Variants in APBB1IP observed in about 807,000 individuals in gnomAD.
The protein encoded by APBB1IP is amyloid beta A4 precursor protein-binding family B member 1-interacting protein.
In APBB1IP, 27 loss-of-function variants were observed where a neutral mutation model predicts 64.9. That is an observed-to-expected ratio of 0.42 (90% CI 0.31 to 0.57). The LOEUF is 0.57. Among genes scored for constraint, APBB1IP ranks in the 20% least tolerant of loss-of-function variants. The pLI, the probability that APBB1IP is intolerant of heterozygous loss-of-function variation, is 0.20. For synonymous variants in APBB1IP, 392 were observed against 331.0 expected, an observed-to-expected ratio of 1.18 and a Z score of -2.00; for missense variants, 812 against 845.5, an observed-to-expected ratio of 0.96 and a Z score of 0.49.
chr10:26,438,953 G>C (rs775582130), intron 2 of APBB1IP, 100 bp downstream of exon 2: 1 of 152,222 alleles, frequency 6.6e-6, no homozygotes, highest in Non-Finnish European at 1.5e-5. Flanking sequence ...TCCGACGCCG[G>C]GGGCAGCTCC....
intron 8 of APBB1IP, among the ~76,000 whole-genome samples, chr10:26,522,002 C>T (rs1417328330): frequency 6.6e-6 from 1 of 152,108 alleles, no homozygotes; most frequent in Admixed American, 6.6e-5. Context: ...CTGCCCACCT[C>T]GGCCTCCCAA....
chr10:26,493,607 G>T lies in APBB1IP; in HGVS notation c.72+1209G>T, dbSNP rs149000950. On this transcript the variant is annotated intron_variant, in intron 3 of 14. Transcript: ENST00000376236. Reference sequence around the variant, plus strand: ...AAGATTGGCAACATTATATAGTTCTGATATAATTGTGACAATGATGGGTTA... The same window carrying T: ...AAGATTGGCAACATTATATAGTTCTTATATAATTGTGACAATGATGGGTTA... Among the ~76,000 whole-genome samples, 766 of 152,260 alleles carry T rather than the reference G, an allele frequency of 5.0e-3. 7 individuals are homozygous for T. Among genetic ancestry groups the T allele is most frequent in the African/African-American group, 0.018 (731 of 41,540 alleles).
intron 6 of APBB1IP, among the ~76,000 whole-genome samples, chr10:26,505,468 G>A (rs1836163243): frequency 6.6e-6 from 1 of 151,752 alleles, no homozygotes; most frequent in Non-Finnish European, 1.5e-5. Context: ...CTCAGTCCTG[G>A]GTGCCCAGTG....
chr10:26,566,986 A>G lies in APBB1IP; in HGVS notation c.1499A>G (p.His500Arg). ...SKDKKPALGNHHDPAVPRAPH... is the reference protein window; with the variant it reads ...SKDKKPALGNRHDPAVPRAPH... ...GATAAGAAGCCAGCCCTCGGGAACC[A>G]CCACGACCCGGCAGTGCCCCGGGCC... is the stretch of plus-strand genomic sequence containing the variant. Residue 500 changes from histidine (H) to arginine (R), a missense_variant, in exon 15 of 15, where the codon CAC (histidine) becomes CGC (arginine). By Grantham distance (29) the His-to-Arg change is conservative. Around this residue, in one of 3 missense-constraint regions of APBB1IP, gnomAD observed 381 missense variants for 352.1 expected, o/e 1.08. Coordinates refer to ENST00000376236, the MANE Select transcript of APBB1IP (RefSeq NM_019043.4). 6.3e-7 allele frequency: 1 copy of G among 1,580,642 alleles called. No homozygotes were observed. The highest frequency in any genetic ancestry group is 8.5e-7 in the Non-Finnish European group (1 of 1,172,448).
intron 8 of APBB1IP, among the ~76,000 whole-genome samples, chr10:26,527,762 G>A (rs1986105): frequency 0.16 from 23,276 of 145,770 alleles, 1,885 homozygotes; most frequent in Middle Eastern, 0.19. Flanking sequence ...GCACGATCTC[G>A]GCTCACTGCA....
intron 8 of APBB1IP, among the ~76,000 whole-genome samples, chr10:26,523,307 A>C (rs1463647344): frequency 6.6e-6 from 1 of 152,206 alleles, no homozygotes; most frequent in East Asian, 1.9e-4. Context: ...GGTTCTTTTC[A>C]TCCATTAGCT....
chr10:26,552,955 C>T (rs893891555), intron 11 of APBB1IP, among the ~76,000 whole-genome samples: 2 of 152,146 alleles, frequency 1.3e-5, no homozygotes, highest in African/African-American at 4.8e-5. Flanking sequence ...CAAGCAGCAC[C>T]TTTGACCTCT....
At chr10:26,560,376 G>A (rs1368190493) in intron 12 of APBB1IP, among the ~76,000 whole-genome samples, 173 bp downstream of exon 12, 2 of 152,134 alleles carry the variant, frequency 1.3e-5, no homozygotes, top group Non-Finnish European at 2.9e-5. Context: ...ATAGAAACAC[G>A]AACCTCTCCA....
chr10:26,448,441 G>C (rs1484326446), intron 2 of APBB1IP, among the ~76,000 whole-genome samples: 1 of 152,198 alleles, frequency 6.6e-6, no homozygotes, highest in Non-Finnish European at 1.5e-5. Context: ...ACTAGCCACA[G>C]TTAAAGTGCT....
rs147894388 is a variant in APBB1IP at position 26,489,790 on chromosome 10, C to A, written c.1-2537C>A. Among the ~76,000 whole-genome samples the A allele has an allele frequency of 4.7e-3, 711 of 152,236 alleles. 20 individuals are homozygous for A. Among genetic ancestry groups the A allele is most frequent in the Admixed American group, 0.038 (584 of 15,286 alleles). ...CTGTAATCCCAACACTTTGGGAGGC[C>A]CAGGTGGGTGGATCACTTGAGGTCA... On this transcript the variant is annotated intron_variant, in intron 2 of 14. Transcript: ENST00000376236.
chr10:26,477,442 C>T (rs1469687693), intron 2 of APBB1IP, among the ~76,000 whole-genome samples: 1 of 152,146 alleles, frequency 6.6e-6, no homozygotes, highest in Non-Finnish European at 1.5e-5. Context: ...TTTGACTTTG[C>T]AGAGTGGAAT....
intron 2 of APBB1IP, among the ~76,000 whole-genome samples, chr10:26,441,350 G>A (rs922453166): frequency 6.6e-6 from 1 of 152,178 alleles, no homozygotes; most frequent in Non-Finnish European, 1.5e-5. Context: ...ATCTGGAACA[G>A]TAATCATTAG....
intron 8 of APBB1IP, among the ~76,000 whole-genome samples, chr10:26,530,897 C>A (rs1223581430): frequency 6.6e-6 from 1 of 152,012 alleles, no homozygotes; most frequent in African/African-American, 2.4e-5. Context: ...TATGGCTAGT[C>A]GTGGTCTTCA....
At chr10:26,443,899 T>C (rs1013780491) in intron 2 of APBB1IP, among the ~76,000 whole-genome samples, 3 of 152,192 alleles carry the variant, frequency 2.0e-5, no homozygotes, top group Non-Finnish European at 4.4e-5. Flanking sequence ...AGCACTATTA[T>C]AGACGCAAGG....
intron 2 of APBB1IP, among the ~76,000 whole-genome samples, chr10:26,462,012 C>A (rs1366861444): frequency 1.3e-5 from 2 of 152,136 alleles, no homozygotes; most frequent in African/African-American, 4.8e-5. Context: ...ATTTTGCTAA[C>A]TTTGTCTTTT....
At position 26,513,671 on chromosome 10, in the gene APBB1IP, C is replaced by A. The variant is rs201066636; in HGVS notation, c.813+11C>A. 2.0e-4 allele frequency: 326 copies of A among 1,603,002 alleles called. 1 individual carries two copies. Among genetic ancestry groups the A allele is most frequent in the Non-Finnish European group, 2.6e-4 (308 of 1,177,396 alleles). ...TTTAAAAACCCCCAGGTAAGATGAT[C>A]TGCATATTGTTAAACCCTATAAAGT... On this transcript the variant is annotated intron_variant, in intron 8 of 14. Transcript: ENST00000376236.
chr10:26,446,058 C>T (rs7098710), intron 2 of APBB1IP, among the ~76,000 whole-genome samples: 47,172 of 150,734 alleles, frequency 0.31, 8,027 homozygotes, highest in Non-Finnish European at 0.39. Context: ...AGGATTTCAC[C>T]TCAGAAAGAA....
Position 26,567,307 on chromosome 10 carries a change from C to A in APBB1IP, c.1820C>A (p.Ala607Glu), listed in dbSNP as rs1340175855. 2 of 1,116,070 alleles carry A rather than the reference C, an allele frequency of 1.8e-6. No homozygotes were observed. Among genetic ancestry groups the A allele is most frequent in the Non-Finnish European group, 1.1e-6 (1 of 904,032 alleles). The allele number at this position is 1,116,070 out of a possible 1,614,324, so 69.1% of individuals were successfully genotyped here. The stretch of plus-strand genomic sequence containing the variant: ...CCCCCGCCGCCGCCGCCGCCGCCCG[C>A]GCCCGCGCCCGCCCCCGTCCCCGAC... ...ELPPPPPPPP[A>E]PAPAPVPDSA... The change falls in exon 15 of 15, where the codon GCG becomes GAG. Residue 607 changes from alanine to glutamate, a missense_variant. Ala to Glu is a moderately radical substitution (Grantham distance 107). Transcript: ENST00000376236.
chr10:26,542,911 C>A (rs1294606836), intron 11 of APBB1IP, among the ~76,000 whole-genome samples: 1 of 149,988 alleles, frequency 6.7e-6, no homozygotes, highest in African/African-American at 2.5e-5. Context: ...TTTGGCGAAC[C>A]CTAAAAACAT....
Sources: allele counts gnomAD v4.1 joint callset (sites outside exome capture counted in the v4.1 genomes callset), GRCh38; gene constraint gnomAD v4.1.1; regional missense constraint gnomAD v4.1.1; transcripts MANE v1.5; gene names NCBI Gene and HGNC (gene_info 2026-07-23, HGNC 2026-07-21).